KAZN: variants seen among roughly 807,000 people sequenced by gnomAD.
KAZN encodes kazrin, periplakin interacting protein.
In KAZN, 40 loss-of-function variants were observed where a neutral mutation model predicts 87.4. The ratio of observed to expected loss-of-function variants is 0.46; its 90% confidence interval spans 0.36 to 0.60. KAZN has a LOEUF of 0.60. KAZN is among the 20% of genes least tolerant of loss of function. The pLI is 0.00. For missense variants in KAZN, 898 were observed against 1,073.9 expected (o/e 0.84, Z 2.29); for synonymous variants, 466 against 458.3 (o/e 1.02, Z -0.22).
chr1:14,261,512 C>T (rs575046649), intron 2 of KAZN, among the ~76,000 whole-genome samples: 5 of 152,292 alleles, frequency 3.3e-5, no homozygotes, highest in South Asian at 2.1e-4. Flanking sequence ...TGATTTTCTG[C>T]GTGGCCTTTT....
intron 2 of KAZN, among the ~76,000 whole-genome samples, chr1:14,384,814 G>C (rs1199182490): frequency 2.0e-5 from 3 of 151,944 alleles, no homozygotes; most frequent in Admixed American, 6.6e-5. Flanking sequence ...TTGGTATCAG[G>C]ATGATGCTGG....
At chr1:15,034,989 C>T in intron 3 of KAZN, 104 bp downstream of exon 3, 3 of 1,412,150 alleles carry the variant, frequency 2.1e-6, no homozygotes, top group Non-Finnish European at 2.9e-6. Flanking sequence ...TCCCCAAACA[C>T]AGATAGGGAG....
intron 2 of KAZN, among the ~76,000 whole-genome samples, chr1:14,386,273 C>T (rs1661879669): frequency 6.8e-6 from 1 of 146,884 alleles, no homozygotes; most frequent in African/African-American, 2.5e-5. Flanking sequence ...ATCCAATTTG[C>T]CAGTCTGTGT....
chr1:13,979,635 C>T (rs1638556018), intron 1 of KAZN, among the ~76,000 whole-genome samples: 1 of 152,110 alleles, frequency 6.6e-6, no homozygotes, highest in Non-Finnish European at 1.5e-5. Context: ...CCGTGTAGAA[C>T]TTAAAATATG....
chr1:14,505,037 G>A (rs940973480), intron 2 of KAZN, among the ~76,000 whole-genome samples: 4 of 152,190 alleles, frequency 2.6e-5, no homozygotes, highest in Non-Finnish European at 5.9e-5. Flanking sequence ...GGGAACTAGG[G>A]ATGCCTTCTA....
rs531728864 is a variant in KAZN, at chr1:14,723,802, G to T, written c.226+124579G>T. Among the ~76,000 whole-genome samples, 6 of 152,304 alleles carry T rather than the reference G, an allele frequency of 3.9e-5. No homozygotes were observed. In the South Asian group the frequency reaches 1.2e-3, roughly 32 times the overall value. ...GATACGGCTTTGACTGATCCAGAGGGTTTATTCAGCCAGTTTTTCAATAGA... is the reference window on the plus strand; with the variant it reads ...GATACGGCTTTGACTGATCCAGAGGTTTTATTCAGCCAGTTTTTCAATAGA... On this transcript the variant is annotated intron_variant, in intron 1 of 14. Transcript: ENST00000376030.
intron 1 of KAZN, chr1:13,893,861 A>C: frequency 1.5e-6 from 2 of 1,310,480 alleles, no homozygotes; most frequent in Non-Finnish European, 2.1e-6. Flanking sequence ...CTGTCAGTCT[A>C]CCTCATCTCT....
At chr1:14,838,584 C>T (rs1042628134) in intron 1 of KAZN, among the ~76,000 whole-genome samples, 6 of 152,100 alleles carry the variant, frequency 3.9e-5, no homozygotes, top group African/African-American at 1.4e-4. Flanking sequence ...CTCTTGATCC[C>T]ATTCTTTGGT....
intron 2 of KAZN, among the ~76,000 whole-genome samples, chr1:15,014,919 G>A (rs1399375702): frequency 2.6e-5 from 4 of 152,082 alleles, no homozygotes; most frequent in African/African-American, 9.7e-5. Context: ...GGAGGCTGGC[G>A]CTTCTCTACT....
intron 1 of KAZN, among the ~76,000 whole-genome samples, chr1:14,823,098 C>T (rs989248393): frequency 1.3e-5 from 2 of 151,996 alleles, no homozygotes; most frequent in South Asian, 2.1e-4. Flanking sequence ...CAACCAGCCC[C>T]GTTCTCCTCC....
chr1:15,086,617 T>C (rs1640270157), intron 8 of KAZN, among the ~76,000 whole-genome samples: 1 of 152,222 alleles, frequency 6.6e-6, no homozygotes, highest in African/African-American at 2.4e-5. Flanking sequence ...AACATGTAAG[T>C]CAATTATTTT....
chr1:14,214,875 C>T (rs762311500), intron 2 of KAZN, among the ~76,000 whole-genome samples: 4 of 152,190 alleles, frequency 2.6e-5, no homozygotes, highest in Non-Finnish European at 5.9e-5. Flanking sequence ...GAGTAGAAGA[C>T]ACAGCCCCTA....
chr1:14,103,952 T>A (rs1644314269), intron 1 of KAZN, among the ~76,000 whole-genome samples: 1 of 152,146 alleles, frequency 6.6e-6, no homozygotes, highest in Non-Finnish European at 1.5e-5. Flanking sequence ...GTAGGCAACA[T>A]CTCTTTACTG....
intron 1 of KAZN, among the ~76,000 whole-genome samples, chr1:14,023,593 T>C (rs553666514): frequency 2.0e-4 from 31 of 152,220 alleles, no homozygotes; most frequent in Non-Finnish European, 4.0e-4. Flanking sequence ...TGGGTGGACA[T>C]TGACTGTAAA....
At chr1:14,370,869 G>A (rs1660423115) in intron 2 of KAZN, among the ~76,000 whole-genome samples, 1 of 152,092 alleles carries the variant, frequency 6.6e-6, no homozygotes, top group Non-Finnish European at 1.5e-5. Flanking sequence ...ATTTTTAGTA[G>A]GGATGGAGTT....
intron 1 of KAZN, among the ~76,000 whole-genome samples, chr1:13,990,002 GTACAGAGAATGTGT>G (rs1437362279): frequency 1.3e-5 from 2 of 152,184 alleles, no homozygotes; most frequent in African/African-American, 4.8e-5. Flanking sequence ...AAGTGAGAAA[GTACAGAGAATGTGT>G]TACAGATATG....
intron 1 of KAZN, among the ~76,000 whole-genome samples, chr1:14,741,599 T>C (rs1272934053): frequency 6.6e-6 from 1 of 152,182 alleles, no homozygotes; most frequent in Non-Finnish European, 1.5e-5. Flanking sequence ...ACTAGTATCT[T>C]TTTATTTTTC....
At chr1:15,112,330 T>TGTGC in intron 13 of KAZN, 97 bp from the exon 14 acceptor site, 1 of 1,164 alleles carries the variant, frequency 8.6e-4, no homozygotes. Flanking sequence ...TTGTCACCAA[T>TGTGC]GTGTGTGTGT....
intron 2 of KAZN, among the ~76,000 whole-genome samples, chr1:14,551,725 G>T (rs1170835083): frequency 2.0e-5 from 3 of 152,106 alleles, no homozygotes; most frequent in Non-Finnish European, 4.4e-5. Flanking sequence ...CTCCCAACCT[G>T]GTCCCCATGC....
Sources: allele counts gnomAD v4.1 joint callset (sites outside exome capture counted in the v4.1 genomes callset), GRCh38; gene constraint gnomAD v4.1.1; transcripts MANE v1.5; gene names NCBI Gene and HGNC (gene_info 2026-07-23, HGNC 2026-07-21).